Variants in WDR93 observed in about 807,000 individuals in gnomAD.
WDR93 encodes the protein WD repeat-containing protein 93.
In WDR93, 73 loss-of-function variants were observed where a neutral mutation model predicts 82.9. That is an observed-to-expected ratio of 0.88 (90% CI 0.73 to 1.07). The LOEUF is 1.07. Among genes scored for constraint, WDR93 ranks in the 50% least tolerant of loss-of-function variants. The pLI is 0.00. For synonymous variants in WDR93, 283 were observed against 300.1 expected (o/e 0.94, Z 0.59); for missense variants, 738 against 826.0 (o/e 0.89, Z 1.31).
chr15:89,736,211 G>C (rs1480899606), intron 14 of WDR93, among the ~76,000 whole-genome samples: 1 of 152,220 alleles, frequency 6.6e-6, no homozygotes, highest in African/African-American at 2.4e-5. Flanking sequence ...ACTACCTGTG[G>C]CTGTTGCCAA....
intron 7 of WDR93, among the ~76,000 whole-genome samples, chr15:89,719,203 T>C (rs945133724): frequency 2.0e-5 from 3 of 152,154 alleles, no homozygotes; most frequent in African/African-American, 7.2e-5. Context: ...TCCTCTCACC[T>C]CAGCTTCCCA....
intron 16 of WDR93, among the ~76,000 whole-genome samples, chr15:89,740,793 C>T (rs962675247): frequency 1.3e-5 from 2 of 152,122 alleles, no homozygotes; most frequent in African/African-American, 2.4e-5. Context: ...TGAGCCACCA[C>T]GCCTGGCCTG....
intron 7 of WDR93, among the ~76,000 whole-genome samples, chr15:89,717,193 A>G (rs1966305154): frequency 6.6e-6 from 1 of 151,484 alleles, no homozygotes; most frequent in African/African-American, 2.4e-5. Flanking sequence ...CTGAGTAACT[A>G]GGATTATAGG....
chr15:89,700,917 A>G (rs1329645080), intron 1 of WDR93, among the ~76,000 whole-genome samples: 1 of 151,842 alleles, frequency 6.6e-6, no homozygotes, highest in Non-Finnish European at 1.5e-5. Flanking sequence ...CATGAACTTT[A>G]TTTGTATACA....
chr15:89,700,912 A>G (rs1241698148), intron 1 of WDR93, among the ~76,000 whole-genome samples: 1 of 151,912 alleles, frequency 6.6e-6, no homozygotes, highest in African/African-American at 2.4e-5. Context: ...GTAGACATGA[A>G]CTTTATTTGT....
intron 4 of WDR93, among the ~76,000 whole-genome samples, chr15:89,711,424 G>T (rs1965969757): frequency 2.0e-5 from 3 of 151,658 alleles, no homozygotes; most frequent in African/African-American, 4.9e-5. Flanking sequence ...ACTTTGAGAG[G>T]CCATCTTGGG....
chr15:89,724,940 GA>G (rs1966673733), intron 8 of WDR93, among the ~76,000 whole-genome samples: 1 of 152,158 alleles, frequency 6.6e-6, no homozygotes, highest in African/African-American at 2.4e-5. Flanking sequence ...TGTGTCCTAT[GA>G]CACAGTATTT....
At chr15:89,723,199 CATAAATAAATAAATAA>C (rs60829285) in intron 8 of WDR93, among the ~76,000 whole-genome samples, 45 of 143,666 alleles carry the variant, frequency 3.1e-4, no homozygotes, top group Admixed American at 2.5e-3. Flanking sequence ...GAAACCGCGT[CATAAATAAATAAATAA>C]ATAAATAAAT....
chr15:89,729,611 G>T, intron 10 of WDR93, 72 bp from the exon 11 acceptor site: 1 of 1,212,638 alleles, frequency 8.2e-7, no homozygotes, highest in Non-Finnish European at 1.2e-6. Context: ...CACCTTCTGT[G>T]CAAACCAAAG....
At chr15:89,740,442 T>C (rs1967572215) in intron 16 of WDR93, among the ~76,000 whole-genome samples, 1 of 152,196 alleles carries the variant, frequency 6.6e-6, no homozygotes, top group East Asian at 1.9e-4. Context: ...ACATTGGCCC[T>C]CTCTAAAGGT....
At chr15:89,727,528 C>A (rs1352672212) in intron 9 of WDR93, among the ~76,000 whole-genome samples, 200 bp downstream of exon 9, 3 of 152,144 alleles carry the variant, frequency 2.0e-5, no homozygotes, top group African/African-American at 7.2e-5. Flanking sequence ...AAATCTGAGA[C>A]CAGCCTGGGC....
At chr15:89,736,885 G>A (rs183981690) in intron 14 of WDR93, among the ~76,000 whole-genome samples, 16 of 150,890 alleles carry the variant, frequency 1.1e-4, no homozygotes, top group African/African-American at 2.7e-4. Flanking sequence ...TCTGCCTCCC[G>A]GGTTCACACC....
At chr15:89,701,686 T>C in intron 1 of WDR93, 21 bp from the exon 2 acceptor site, 3 of 1,547,578 alleles carry the variant, frequency 1.9e-6, no homozygotes, top group Non-Finnish European at 2.6e-6. Context: ...CCAGAATTCC[T>C]TTGTTTACTT....
chr15:89,728,947 A>G, intron 9 of WDR93, 76 bp from the exon 10 acceptor site: 1 of 1,315,122 alleles, frequency 7.6e-7, no homozygotes, highest in Non-Finnish European at 1.1e-6. Flanking sequence ...TTCTGGTTTT[A>G]GGACCAAGAC....
rs982665296 is a variant in WDR93 at position 89,731,523 on chromosome 15, T to C, written c.1291T>C (p.Cys431Arg). The part of the protein sequence containing the change: ...SCSSSYLVLA[C>R]EDGVLTLWDL... ...CTCCTCCTCCTACCTGGTGCTGGCC[T>C]GCGAGGATGGTGTGCTCACGCTGTG... The change falls in exon 12 of 17, where the codon TGC (cysteine) becomes CGC (arginine). Residue 431 changes from cysteine (C) to arginine (R), a missense_variant. By Grantham distance (180) the Cys-to-Arg change is radical (BLOSUM62 -3). Coordinates refer to ENST00000268130, the MANE Select transcript of WDR93 (RefSeq NM_020212.2). The C allele has an allele frequency of 5.0e-6, 8 of 1,614,064 alleles. No individual in the cohort carries two copies. The highest frequency in any genetic ancestry group is 6.8e-6 in the Non-Finnish European group (8 of 1,180,024).
chr15:89,722,337 A>G (rs1212457224), intron 8 of WDR93, among the ~76,000 whole-genome samples, 198 bp downstream of exon 8: 1 of 152,260 alleles, frequency 6.6e-6, no homozygotes, highest in African/African-American at 2.4e-5. Flanking sequence ...TATTACATAC[A>G]GTTAACTAAC....
At position 89,731,524 on chromosome 15, in the gene WDR93, G is replaced by A; in HGVS notation, c.1292G>A (p.Cys431Tyr). 1 of 1,614,190 alleles carries A rather than the reference G, an allele frequency of 6.2e-7. No individual in the cohort carries two copies. ...TCCTCCTCCTACCTGGTGCTGGCCT[G>A]CGAGGATGGTGTGCTCACGCTGTGG... is the stretch of plus-strand genomic sequence containing the variant. ...SCSSSYLVLA[C>Y]EDGVLTLWDL... Residue 431 changes from cysteine to tyrosine, a missense_variant, in exon 12 of 17, where the codon TGC becomes TAC. By Grantham distance (194) the Cys-to-Tyr change is radical. Coordinates refer to ENST00000268130, the MANE Select transcript of WDR93 (RefSeq NM_020212.2).
chr15:89,702,112 C>T, intron 2 of WDR93, 63 bp downstream of exon 2: 1 of 1,500,544 alleles, frequency 6.7e-7, no homozygotes, highest in Non-Finnish European at 8.9e-7. Context: ...AAATGAAATC[C>T]CCTGATCCAG....
At chr15:89,739,112 C>T (rs1188135229) in intron 16 of WDR93, among the ~76,000 whole-genome samples, 1 of 103,820 alleles carries the variant, frequency 9.6e-6, no homozygotes, top group Non-Finnish European at 2.0e-5. Flanking sequence ...TCAGACCCTG[C>T]CTCAAAAAAA....
Sources: gnomAD v4.1 joint callset for allele counts (sites outside exome capture counted in the v4.1 genomes callset) on GRCh38, gnomAD v4.1.1 for gene constraint, MANE v1.5 for transcripts, NCBI Gene and HGNC (gene_info 2026-07-23, HGNC 2026-07-21) for gene names.